Variants in LRRC8C observed in about 807,000 individuals in gnomAD.
The protein encoded by LRRC8C is leucine rich repeat containing 8 VRAC subunit C.
In LRRC8C, 20 loss-of-function variants were observed where a neutral mutation model predicts 55.3. The observed-to-expected ratio is 0.36, with a 90% CI of 0.25 to 0.53. LRRC8C has a LOEUF of 0.53. Ranked by LOEUF, LRRC8C falls within the 20% of genes least tolerant of loss-of-function variation. The pLI is 0.92. For synonymous variants in LRRC8C, 376 were observed against 360.7 expected (o/e 1.04, Z -0.48); for missense variants, 659 against 951.4 (o/e 0.69, Z 4.04).
chr1:89,666,100 A>G (rs1450550707), intron 1 of LRRC8C, among the ~76,000 whole-genome samples: 10 of 152,150 alleles, frequency 6.6e-5, no homozygotes, highest in Admixed American at 2.0e-4. Context: ...AAATTGCCTA[A>G]TGATGCGTTT....
In LRRC8C at chr1:89,661,206, A is replaced by G. The variant is rs150571843; in HGVS notation, c.-4-25264A>G. 557 of 222,702 alleles carry G rather than the reference A, an allele frequency of 2.5e-3. 3 individuals are homozygous for G. Among genetic ancestry groups the G allele is most frequent in the African/African-American group, 0.012 (534 of 43,120 alleles). 13.8% of individuals were successfully genotyped at this position (222,702 alleles called of 1,614,324 possible). ...TTCTAAAGCAGCTTTATAGTGAAAC[A>G]TTTGTTAGAAATCTGGACCTTCTTT... On this transcript the variant is annotated intron_variant, in intron 1 of 2. Coordinates refer to ENST00000370454, the MANE Select transcript of LRRC8C (RefSeq NM_032270.5).
the LRRC8C span, among the ~76,000 whole-genome samples, chr1:89,622,579 C>T: frequency 2.6e-5 from 4 of 152,194 alleles, no homozygotes; most frequent in South Asian, 2.1e-4. Flanking sequence ...GCGATCCGCC[C>T]GCCTCGGCCT....
At chr1:89,652,537 A>T (rs1214774399) in intron 1 of LRRC8C, among the ~76,000 whole-genome samples, 1 of 152,202 alleles carries the variant, frequency 6.6e-6, no homozygotes, top group Non-Finnish European at 1.5e-5. Flanking sequence ...TCATGGGTTT[A>T]GTGTGGTCTT....
intron 2 of LRRC8C, among the ~76,000 whole-genome samples, chr1:89,694,554 G>A (rs1388640796): frequency 3.4e-5 from 5 of 148,780 alleles, no homozygotes; most frequent in Non-Finnish European, 7.4e-5. Flanking sequence ...GAGTAGCTGG[G>A]ATTACAGGTG....
At chr1:89,647,331 A>G (rs1231979784) in intron 1 of LRRC8C, among the ~76,000 whole-genome samples, 1 of 152,232 alleles carries the variant, frequency 6.6e-6, no homozygotes, top group African/African-American at 2.4e-5. Context: ...AAAGGAAGGC[A>G]GCATTTTAAC....
intron 1 of LRRC8C, among the ~76,000 whole-genome samples, chr1:89,673,352 C>T (rs997967999): frequency 1.3e-5 from 2 of 152,138 alleles, no homozygotes; most frequent in African/African-American, 4.8e-5. Context: ...CATTACTAGA[C>T]TTCCATAGGT....
intron 2 of LRRC8C, among the ~76,000 whole-genome samples, chr1:89,703,867 T>A (rs1042694253): frequency 6.6e-6 from 1 of 151,972 alleles, no homozygotes. Flanking sequence ...TATCCAAATA[T>A]GAGTGAGCAA....
the LRRC8C span, among the ~76,000 whole-genome samples, chr1:89,625,781 A>G: frequency 6.6e-5 from 10 of 152,254 alleles, no homozygotes; most frequent in Admixed American, 6.5e-4. Context: ...CATTCAAAAC[A>G]AAGAAACAAT....
rs142748609 is a variant in LRRC8C, at chr1:89,704,675, C to T, written c.139-8034C>T. Among the ~76,000 whole-genome samples the T allele has an allele frequency of 2.1e-3, 317 of 152,196 alleles. 2 individuals carry two copies. Among genetic ancestry groups the T allele is most frequent in the African/African-American group, 7.4e-3 (308 of 41,470 alleles). On this transcript the variant is annotated intron_variant, in intron 2 of 2. Transcript: ENST00000370454. ...TAAATGTTTTGCACATGAAAAAATG[C>T]TCACCATCACTGGCCATCAGAGAAA... is the stretch of plus-strand genomic sequence containing the variant.
intron 1 of LRRC8C, among the ~76,000 whole-genome samples, chr1:89,682,287 A>C (rs1657737764): frequency 6.6e-6 from 1 of 152,198 alleles, no homozygotes; most frequent in Non-Finnish European, 1.5e-5. Flanking sequence ...AGACTGTGCC[A>C]ATATTAAGAA....
rs535258443 is a variant in LRRC8C at position 89,709,620 on chromosome 1, A to G, written c.139-3089A>G. The stretch of plus-strand genomic sequence containing the variant: ...AGGCAGGGGTACAGAAATGGGGCCC[A>G]CTTGGTTGCTTTGCAGGGACTTAGC... On this transcript the variant is annotated intron_variant, in intron 2 of 2. Coordinates refer to ENST00000370454, the MANE Select transcript of LRRC8C (RefSeq NM_032270.5). Among the ~76,000 whole-genome samples, 325 of 152,160 alleles carry G rather than the reference A, an allele frequency of 2.1e-3. 3 individuals carry two copies. The highest frequency in any genetic ancestry group is 7.1e-3 in the African/African-American group (295 of 41,516).
the LRRC8C span, among the ~76,000 whole-genome samples, chr1:89,624,698 A>G: frequency 2.0e-5 from 3 of 152,236 alleles, no homozygotes; most frequent in Admixed American, 6.5e-5. Flanking sequence ...TCTCTTTCCA[A>G]CAAGAAAAGT....
intron 1 of LRRC8C, among the ~76,000 whole-genome samples, chr1:89,646,221 A>T (rs1392982275): frequency 6.6e-6 from 1 of 152,090 alleles, no homozygotes. Context: ...GGTGAGGGGG[A>T]GTAGGGGATG....
At chr1:89,711,353 C>T (rs556836375) in intron 2 of LRRC8C, among the ~76,000 whole-genome samples, 9 of 152,338 alleles carry the variant, frequency 5.9e-5, no homozygotes, top group Non-Finnish European at 8.8e-5. Context: ...CACTTTACAA[C>T]GGGTTCAGTT....
chr1:89,622,497 T>G, the LRRC8C span, among the ~76,000 whole-genome samples: 2 of 152,060 alleles, frequency 1.3e-5, no homozygotes, highest in Admixed American at 1.3e-4. Context: ...CACTCCTGGC[T>G]AATTTTTTTG....
chr1:89,696,056 C>G (rs1028064236), intron 2 of LRRC8C, among the ~76,000 whole-genome samples: 38 of 152,222 alleles, frequency 2.5e-4, no homozygotes, highest in African/African-American at 8.9e-4. Flanking sequence ...TCATTTGGGG[C>G]ATCTTCATAT....
rs369837843 is a variant in LRRC8C, at chr1:89,641,587, A to G, written c.-5+8265A>G. 1.4e-4 allele frequency among the ~76,000 whole-genome samples: 21 copies of G among 152,298 alleles called. 1 individual carries two copies. Among genetic ancestry groups the G allele is most frequent in the Admixed American group, 2.6e-4 (4 of 15,306 alleles). On this transcript the variant is annotated intron_variant, in intron 1 of 2. Coordinates refer to ENST00000370454, the MANE Select transcript of LRRC8C (RefSeq NM_032270.5). ...TTTTTAATAGTCTCTCAATTTAGAC[A>G]GTCTTTGCAGGTCTGTCTTGGTCAA...
chr1:89,697,040 C>T (rs1177545844), intron 2 of LRRC8C, among the ~76,000 whole-genome samples: 1 of 152,094 alleles, frequency 6.6e-6, no homozygotes, highest in Non-Finnish European at 1.5e-5. Flanking sequence ...ATCCAGCACA[C>T]ATAAATGACT....
At chr1:89,711,674 T>C (rs1658652785) in intron 2 of LRRC8C, among the ~76,000 whole-genome samples, 1 of 152,218 alleles carries the variant, frequency 6.6e-6, no homozygotes, top group Non-Finnish European at 1.5e-5. Context: ...TCATTCTCTC[T>C]TTCCCAAATT....
Sources: allele counts gnomAD v4.1 joint callset (sites outside exome capture counted in the v4.1 genomes callset), GRCh38; gene constraint gnomAD v4.1.1; transcripts MANE v1.5; gene names NCBI Gene and HGNC (gene_info 2026-07-23, HGNC 2026-07-21).